The following AP3B1 variants were observed in gnomAD, a reference collection of about 807,000 sequenced individuals.
AP3B1 encodes AP-3 complex subunit beta-1.
A neutral mutation model predicts 132.5 loss-of-function variants in AP3B1; 61 were observed. That is an observed-to-expected ratio of 0.46 (90% CI 0.37 to 0.57). The LOEUF (loss-of-function observed/expected upper bound fraction) is 0.57, where lower values mean the gene tolerates loss of function less well. Ranked by LOEUF, AP3B1 falls within the 20% of genes least tolerant of loss-of-function variation. The probability of loss-of-function intolerance (pLI) is 0.00; values close to 1 mark genes in which losing one functional copy is unlikely to be tolerated. For missense variants in AP3B1, 1,120 were observed against 1,289.4 expected (o/e 0.87, Z 2.01); for synonymous variants, 388 against 438.3 (o/e 0.89, Z 1.43).
chr5:78,055,867 A>C (rs1580290754), intron 22 of AP3B1, among the ~76,000 whole-genome samples: 1 of 152,226 alleles, frequency 6.6e-6, no homozygotes, highest in East Asian at 1.9e-4. Flanking sequence ...TTATTTAATA[A>C]ACTGCATGTC....
At chr5:78,205,854 TA>T (rs1049722546) in intron 7 of AP3B1, among the ~76,000 whole-genome samples, 5 of 104,336 alleles carry the variant, frequency 4.8e-5, no homozygotes, top group Non-Finnish European at 6.4e-5. Context: ...TTATTTTGTC[TA>T]AAAAAATTTT....
At chr5:78,018,648 G>C (rs935360846) in intron 25 of AP3B1, among the ~76,000 whole-genome samples, 4 of 150,134 alleles carry the variant, frequency 2.7e-5, no homozygotes, top group African/African-American at 9.9e-5. Flanking sequence ...ATTCAAGGTA[G>C]AAAAATCGGT....
chr5:78,131,534 CA>C (rs1752687049), intron 15 of AP3B1, among the ~76,000 whole-genome samples: 1 of 151,954 alleles, frequency 6.6e-6, no homozygotes, highest in Admixed American at 6.6e-5. Flanking sequence ...AAAGTTTTTA[CA>C]ATATTGACAA....
chr5:78,262,746 G>A (rs1488037861), intron 2 of AP3B1, among the ~76,000 whole-genome samples: 1 of 151,248 alleles, frequency 6.6e-6, no homozygotes, highest in African/African-American at 2.4e-5. Flanking sequence ...AGGCTGGAGT[G>A]CAGTGGCATG....
At chr5:78,153,688 T>C (rs1022060416) in intron 14 of AP3B1, among the ~76,000 whole-genome samples, 21 of 152,178 alleles carry the variant, frequency 1.4e-4, no homozygotes, top group African/African-American at 4.8e-4. Context: ...TGGTAGGATT[T>C]AATTTCTTGT....
intron 17 of AP3B1, among the ~76,000 whole-genome samples, chr5:78,123,463 A>G (rs906402984): frequency 1.6e-3 from 240 of 152,268 alleles, no homozygotes; most frequent in African/African-American, 5.7e-3. Context: ...CAAAGGGCTA[A>G]TATCCAGAAT....
intron 1 of AP3B1, among the ~76,000 whole-genome samples, chr5:78,268,369 A>G (rs1330201105): frequency 6.6e-6 from 1 of 152,216 alleles, no homozygotes; most frequent in Non-Finnish European, 1.5e-5. Flanking sequence ...AAACCCTAAA[A>G]GAAACCTTAA....
intron 11 of AP3B1, among the ~76,000 whole-genome samples, chr5:78,171,904 A>G (rs573874458): frequency 1.3e-5 from 2 of 152,172 alleles, no homozygotes; most frequent in African/African-American, 4.8e-5. Context: ...TTATTTTGAG[A>G]TACATTCCAT....
At chr5:78,120,580 T>G (rs252766) in intron 17 of AP3B1, among the ~76,000 whole-genome samples, 190 of 150,060 alleles carry the variant, frequency 1.3e-3, no homozygotes, top group East Asian at 7.6e-3. Context: ...CCAACAAAGA[T>G]CAAAAGAGAC....
intron 8 of AP3B1, among the ~76,000 whole-genome samples, chr5:78,179,601 C>T (rs981244032): frequency 2.6e-5 from 4 of 152,154 alleles, no homozygotes; most frequent in African/African-American, 4.8e-5. Context: ...TAATAAAGCG[C>T]ATCCTATAAA....
chr5:78,126,307 C>A (rs1001316984), intron 17 of AP3B1, among the ~76,000 whole-genome samples: 1 of 151,668 alleles, frequency 6.6e-6, no homozygotes, highest in African/African-American at 2.4e-5. Flanking sequence ...GAGTTTGAGA[C>A]CAGCCTGGCC....
chr5:78,235,693 T>C (rs1746847440), intron 3 of AP3B1, among the ~76,000 whole-genome samples: 1 of 152,228 alleles, frequency 6.6e-6, no homozygotes, highest in Admixed American at 6.5e-5. Flanking sequence ...TTCAATGTTA[T>C]AACACTCCTT....
Position 78,193,770 on chromosome 5 carries a change from A to ATATATATTTTTTTTTTT in AP3B1, c.787-12109_787-12108insAAAAAAAAAAATATATA. 4.7e-3 allele frequency among the ~76,000 whole-genome samples: 316 copies of ATATATATTTTTTTTTTT among 67,002 alleles called. 5 individuals are homozygous for ATATATATTTTTTTTTTT. The highest frequency in any genetic ancestry group is 7.6e-3 in the Non-Finnish European group (234 of 30,988). 44.0% of individuals were successfully genotyped at this position (67,002 alleles called of 152,430 possible). ...TATATATATATATATATATATATATATTTTTTTTTTAGACAGAGTCTCGCT... is the reference window on the plus strand; with the variant it reads ...TATATATATATATATATATATATATATATATATTTTTTTTTTTTTTTTTTTTTAGACAGAGTCTCGCT... On this transcript the variant is annotated intron_variant, in intron 7 of 26. Transcript: ENST00000255194.
chr5:78,225,086 A>G (rs1333376278), intron 6 of AP3B1, among the ~76,000 whole-genome samples: 1 of 152,100 alleles, frequency 6.6e-6, no homozygotes, highest in Admixed American at 6.6e-5. Flanking sequence ...GCTACTGCCT[A>G]CTGTATTAGA....
chr5:78,238,093 C>T (rs1252966915), intron 3 of AP3B1, among the ~76,000 whole-genome samples: 1 of 152,214 alleles, frequency 6.6e-6, no homozygotes, highest in Non-Finnish European at 1.5e-5. Flanking sequence ...GAAGCTTCAT[C>T]TGTATTTACA....
At chr5:78,158,655 T>C (rs988982875) in intron 13 of AP3B1, among the ~76,000 whole-genome samples, 6 of 152,096 alleles carry the variant, frequency 3.9e-5, no homozygotes, top group South Asian at 4.1e-4. Flanking sequence ...AACTAGGATG[T>C]ACATTCTATC....
rs766029582 is a variant in AP3B1 at position 78,002,801 on chromosome 5, A to G, written c.*101T>C. The G allele has an allele frequency of 1.8e-4, 238 of 1,327,480 alleles. No homozygotes were observed. The highest frequency in any genetic ancestry group is 2.4e-4 in the Non-Finnish European group (222 of 919,014). The allele number at this position is 1,327,480 out of a possible 1,614,324, so 82.2% of individuals were successfully genotyped here. ...AATGTCAAGAGTGTATTCTACCCCC[A>G]CTGCCAGATGGAAGGGCTATTATTA... On this transcript the variant is annotated 3_prime_UTR_variant, in exon 27 of 27. Transcript: ENST00000255194.
intron 14 of AP3B1, among the ~76,000 whole-genome samples, chr5:78,144,457 A>G (rs1331704459): frequency 3.3e-5 from 5 of 152,230 alleles, no homozygotes; most frequent in Non-Finnish European, 5.9e-5. Flanking sequence ...CCCACTGCAC[A>G]GTGCAACAGT....
intron 22 of AP3B1, among the ~76,000 whole-genome samples, chr5:78,040,412 A>G (rs1167047417): frequency 2.6e-5 from 4 of 152,120 alleles, no homozygotes; most frequent in Admixed American, 6.6e-5. Context: ...TATTTTTTGT[A>G]GACCTACAAT....
Sources: gnomAD v4.1 joint callset for allele counts (sites outside exome capture counted in the v4.1 genomes callset) on GRCh38, gnomAD v4.1.1 for gene constraint, MANE v1.5 for transcripts, NCBI Gene and HGNC (gene_info 2026-07-23, HGNC 2026-07-21) for gene names.